The following CTTNBP2 variants were observed in gnomAD, a reference collection of about 807,000 sequenced individuals.
CTTNBP2 encodes the protein cortactin binding protein 2.
Under a neutral mutation model 156.9 loss-of-function variants are expected in CTTNBP2, and 108 were observed. That is an observed-to-expected ratio of 0.69 (90% CI 0.59 to 0.81). The LOEUF (loss-of-function observed/expected upper bound fraction) is 0.81. Ranked by LOEUF, CTTNBP2 falls within the 30% of genes least tolerant of loss-of-function variation. CTTNBP2 has a pLI of 0.00. For missense variants in CTTNBP2, 1,924 were observed against 2,035.4 expected (o/e 0.95, Z 1.05); for synonymous variants, 767 against 751.8 (o/e 1.02, Z -0.33).
Position 117,777,676 on chromosome 7 carries a change from T to C in CTTNBP2, c.2613A>G (p.Gly871=). The C allele has an allele frequency of 6.2e-7, 1 of 1,614,138 alleles. No individual in the cohort carries two copies. Among genetic ancestry groups the C allele is most frequent in the Non-Finnish European group, 8.5e-7 (1 of 1,180,006 alleles). Residue 871 remains glycine (G), a synonymous_variant, in exon 8 of 23, where the codon GGA becomes GGG. Coordinates refer to ENST00000160373, the MANE Select transcript of CTTNBP2 (RefSeq NM_033427.3). ...CGGACTCCTCCTCATTGAAAGAATTTCCATGAGCTGGTATTCTATGGTACA... is the reference window on the plus strand; with the variant it reads ...CGGACTCCTCCTCATTGAAAGAATTCCCATGAGCTGGTATTCTATGGTACA... ...LLMYHRIPAH[G]NSFNEEESES...
chr7:117,850,027 A>G (rs920036733), intron 2 of CTTNBP2, among the ~76,000 whole-genome samples: 1 of 152,258 alleles, frequency 6.6e-6, no homozygotes, highest in Non-Finnish European at 1.5e-5. Context: ...AGGTTAAATG[A>G]CATAATCCAC....
intron 20 of CTTNBP2, 84 bp downstream of exon 20, chr7:117,720,983 A>C: frequency 1.1e-6 from 1 of 910,598 alleles, no homozygotes; most frequent in South Asian, 1.3e-5. Flanking sequence ...CATTCAAATG[A>C]GAACATGGAA....
chr7:117,868,267 T>G (rs1303696481), intron 1 of CTTNBP2, among the ~76,000 whole-genome samples: 2 of 152,240 alleles, frequency 1.3e-5, no homozygotes, highest in East Asian at 1.9e-4. Context: ...GGCAAATATC[T>G]GCACGCTGAT....
At chr7:117,811,749 T>C (rs932523200) in intron 2 of CTTNBP2, among the ~76,000 whole-genome samples, 3 of 151,890 alleles carry the variant, frequency 2.0e-5, no homozygotes, top group Non-Finnish European at 2.9e-5. Context: ...AGGTTTTTTA[T>C]AGCCAGAAGG....
At chr7:117,756,301 C>G (rs1352411207) in intron 12 of CTTNBP2, among the ~76,000 whole-genome samples, 1 of 152,222 alleles carries the variant, frequency 6.6e-6, no homozygotes, top group South Asian at 2.1e-4. Context: ...ACATCCTGCT[C>G]CTGCCCAAAT....
At chr7:117,793,969 G>T (rs958266165) in intron 3 of CTTNBP2, among the ~76,000 whole-genome samples, 2 of 152,104 alleles carry the variant, frequency 1.3e-5, no homozygotes, top group Non-Finnish European at 2.9e-5. Flanking sequence ...TCCCACCCTT[G>T]TGTTTATCAA....
chr7:117,751,658 A>C (rs1584944414), intron 12 of CTTNBP2, among the ~76,000 whole-genome samples: 2 of 152,350 alleles, frequency 1.3e-5, no homozygotes, highest in Middle Eastern at 3.4e-3. Context: ...AAGAGGTATA[A>C]GAGTAATAGG....
At position 117,810,884 on chromosome 7, in the gene CTTNBP2, C is replaced by T; in HGVS notation, c.295G>A (p.Glu99Lys). The T allele has an allele frequency of 1.2e-6, 2 of 1,614,122 alleles. No individual in the cohort carries two copies. The highest frequency in any genetic ancestry group is 2.2e-5 in the South Asian group (2 of 91,076). Residue 99 changes from glutamate to lysine, a missense_variant, in exon 3 of 23, where the codon GAG becomes AAG. Glu to Lys is a moderately conservative substitution (Grantham distance 56). Transcript: ENST00000160373. ...RDYEAGAGDK[E>K]KKPVCTNPLS... ...GGGTTGGTACAAACTGGCTTCTTCT[C>T]TTTGTCACCAGCACCTGCTTCATAG...
chr7:117,741,478 C>T (rs1452383879), intron 14 of CTTNBP2, among the ~76,000 whole-genome samples: 2 of 147,540 alleles, frequency 1.4e-5, no homozygotes, highest in Non-Finnish European at 1.5e-5. Context: ...TTACTGCTTA[C>T]AATCATTTGC....
chr7:117,717,172 G>A (rs1794446656), intron 22 of CTTNBP2, among the ~76,000 whole-genome samples: 1 of 152,150 alleles, frequency 6.6e-6, no homozygotes, highest in African/African-American at 2.4e-5. Context: ...AACTGATAAT[G>A]GTGCAGTGCT....
chr7:117,786,270 T>A, intron 4 of CTTNBP2: 1 of 280,072 alleles, frequency 3.6e-6, no homozygotes, highest in Non-Finnish European at 7.1e-6. Flanking sequence ...CTACATGTAG[T>A]GACATACAAA....
chr7:117,829,433 G>T (rs1056867693), intron 2 of CTTNBP2, among the ~76,000 whole-genome samples: 2 of 152,198 alleles, frequency 1.3e-5, no homozygotes, highest in African/African-American at 2.4e-5. Context: ...CAAGGCTAAA[G>T]CCTGTGGTCA....
At chr7:117,811,466 A>G (rs1409435147) in intron 2 of CTTNBP2, among the ~76,000 whole-genome samples, 1 of 151,976 alleles carries the variant, frequency 6.6e-6, no homozygotes. Context: ...ACACCCAGCT[A>G]ATTTTTTTGA....
chr7:117,735,152 ACAGATT>A, intron 15 of CTTNBP2, 52 bp from the exon 16 acceptor site: 6 of 1,591,382 alleles, frequency 3.8e-6, no homozygotes, highest in Non-Finnish European at 5.1e-6. Context: ...ATGTTATGGG[ACAGATT>A]CAAATTAAAA....
At chr7:117,744,605 C>T (rs1411123231) in intron 14 of CTTNBP2, among the ~76,000 whole-genome samples, 1 of 152,114 alleles carries the variant, frequency 6.6e-6, no homozygotes, top group East Asian at 1.9e-4. Flanking sequence ...AAAGTGCTGG[C>T]TAGGCACGGT....
chr7:117,865,239 C>T (rs917033484), intron 1 of CTTNBP2, among the ~76,000 whole-genome samples: 6 of 151,460 alleles, frequency 4.0e-5, no homozygotes, highest in East Asian at 1.9e-4. Context: ...AAATCCCCAA[C>T]GCCCCCCAGA....
rs1160017832 is a variant in CTTNBP2, at chr7:117,830,344, T to C, written c.190-19355A>G. Among the ~76,000 whole-genome samples, 3 of 152,222 alleles carry C rather than the reference T, an allele frequency of 2.0e-5. No individual in the cohort carries two copies. In the East Asian group the frequency reaches 5.8e-4, roughly 29 times the overall value. On this transcript the variant is annotated intron_variant, in intron 2 of 22. Transcript: ENST00000160373. ...ATTCTGTTGAGCTACAAAGTCATAC[T>C]ACACGGCCGACAGCAAGGGCTCCAT...
In CTTNBP2 at chr7:117,784,360, TC is replaced by T. The variant is rs1308028968; in HGVS notation, c.2162del (p.Gly721GlufsTer40). 6.2e-7 allele frequency: 1 copy of T among 1,613,320 alleles called. No individual in the cohort carries two copies. Among genetic ancestry groups the T allele is most frequent in the African/African-American group, 1.3e-5 (1 of 74,890 alleles). On this transcript the variant is annotated frameshift_variant, in exon 5 of 23. Coordinates refer to ENST00000160373, the MANE Select transcript of CTTNBP2 (RefSeq NM_033427.3). LOFTEE classifies it high-confidence loss of function. ...GCAGCATTGATAATAAAGTGACATT[TC>T]CCTGGGCAGCAGCTTGCTGAAGAAG... ...PTLLQQAAAQ[G>X]NVTLLSMLLN...
At position 117,780,430 on chromosome 7, in the gene CTTNBP2, C is replaced by T. The variant is rs1798356112; in HGVS notation, c.2523+11G>A. ...ATATATACAGGGGGAAAAAAACAGA[C>T]TGCTACTCACTGTGGTTTTTACACT... On this transcript the variant is annotated intron_variant, in intron 7 of 22. Transcript: ENST00000160373. 6.6e-7 allele frequency: 1 copy of T among 1,526,690 alleles called. No individual in the cohort carries two copies. Among genetic ancestry groups the T allele is most frequent in the African/African-American group, 1.4e-5 (1 of 70,528 alleles). The allele number at this position is 1,526,690 out of a possible 1,614,324, so 94.6% of individuals were successfully genotyped here. A position where few individuals can be genotyped will look rare whatever the true frequency, so the allele number is the denominator to read the frequency against.
Sources: gnomAD v4.1 joint callset for allele counts (sites outside exome capture counted in the v4.1 genomes callset) on GRCh38, gnomAD v4.1.1 for gene constraint, MANE v1.5 for transcripts, NCBI Gene and HGNC (gene_info 2026-07-23, HGNC 2026-07-21) for gene names.